The following ERICH1 variants were observed in gnomAD, a reference collection of about 807,000 sequenced individuals.
The protein encoded by ERICH1 is glutamate-rich protein 1.
Under a neutral mutation model 39.6 loss-of-function variants are expected in ERICH1, and 56 were observed. The ratio of observed to expected loss-of-function variants is 1.41; its 90% CI spans 1.14 to 1.77. The LOEUF (loss-of-function observed/expected upper bound fraction) is 1.77. Ranked by LOEUF, ERICH1 falls within the 40% of genes most tolerant of loss-of-function variation. The probability of loss-of-function intolerance (pLI) is 0.00; values close to 1 mark genes in which losing one functional copy is unlikely to be tolerated. For missense variants in ERICH1, 826 were observed against 575.4 expected, an observed-to-expected ratio of 1.44 and a Z score of -4.45; for synonymous variants, 313 against 223.6, an observed-to-expected ratio of 1.40 and a Z score of -3.57.
chr8:626,824 G>C, intron 3 of ERICH1: 1 of 257,360 alleles, frequency 3.9e-6, no homozygotes, highest in South Asian at 4.5e-5. Context: ...ATCACATCAT[G>C]GAGTTTTTGG....
chr8:664,636 G>A lies in ERICH1; in HGVS notation c.1299C>T (p.Ile433=), dbSNP rs750367517. ...RVISAFFSYW[I]THILPEKSSD ...TGCTCTTCTCAGGAAGGATATGTGT[G>A]ATCCAGTAACTAAAGAAAGCTGAGA... The change falls in exon 6 of 6, where the codon ATC becomes ATT. Residue 433 remains isoleucine, a synonymous_variant. Transcript: ENST00000262109. 1.9e-6 allele frequency: 3 copies of A among 1,613,000 alleles called. No homozygotes were observed. The highest frequency in any genetic ancestry group is 2.5e-6 in the Non-Finnish European group (3 of 1,179,696).
At position 646,227 on chromosome 8, in the gene ERICH1, G is replaced by A. The variant is rs536856592; in HGVS notation, c.976+22371C>T. Among the ~76,000 whole-genome samples the A allele has an allele frequency of 1.4e-3, 99 of 68,456 alleles. 45 individuals are homozygous for A. The highest frequency in any genetic ancestry group is 3.5e-3 in the Non-Finnish European group (76 of 21,932). 44.9% of individuals were successfully genotyped at this position (68,456 alleles called of 152,430 possible). A position where few individuals can be genotyped will look rare whatever the true frequency, so the allele number is the denominator to read the frequency against. The stretch of plus-strand genomic sequence containing the variant: ...CCAGAAGACCATGCTTACTCAAACT[G>A]GCTTCCCAATGCCACAAACTAGAGT... On this transcript the variant is annotated intron_variant, in intron 3 of 3. Coordinates refer to the ERICH1 transcript ENST00000522706.
chr8:691,140 G>C (rs2132055504), intron 3 of ERICH1: 1 of 151,180 alleles, frequency 6.6e-6, no homozygotes, highest in Middle Eastern at 3.4e-3. Context: ...ATTAGAGGGT[G>C]GGCTTTGCTG....
chr8:634,959 G>A (rs772931150), intron 3 of ERICH1, among the ~76,000 whole-genome samples: 16 of 152,218 alleles, frequency 1.1e-4, no homozygotes. Context: ...CTCTGGGGAA[G>A]GAAGGAGGGA....
intron 3 of ERICH1, among the ~76,000 whole-genome samples, chr8:629,671 A>G (rs1797843460): frequency 6.9e-5 from 10 of 144,650 alleles, no homozygotes; most frequent in African/African-American, 1.4e-4. Flanking sequence ...CCACCCACAG[A>G]GACAGAGCTG....
At chr8:722,074 G>C (rs1045422722) in intron 1 of ERICH1, among the ~76,000 whole-genome samples, 1 of 152,106 alleles carries the variant, frequency 6.6e-6, no homozygotes, top group Non-Finnish European at 1.5e-5. Context: ...GTGTCTGTCA[G>C]AAGCCTGAGG....
At chr8:699,870 CACA>C (rs1811413568) in intron 2 of ERICH1, among the ~76,000 whole-genome samples, 1 of 111,326 alleles carries the variant, frequency 9.0e-6, no homozygotes. Flanking sequence ...CACAGACCCT[CACA>C]GGCGCACAGA....
At chr8:650,944 G>A (rs905706812) in intron 3 of ERICH1, among the ~76,000 whole-genome samples, 2 of 152,194 alleles carry the variant, frequency 1.3e-5, no homozygotes, top group Non-Finnish European at 2.9e-5. Flanking sequence ...CCAAGGCGGT[G>A]TATAAACAGT....
At chr8:675,071 A>G (rs535335655) in intron 3 of ERICH1, among the ~76,000 whole-genome samples, 47 of 151,738 alleles carry the variant, frequency 3.1e-4, no homozygotes, top group Middle Eastern at 3.4e-3. Context: ...AGGAAGCACC[A>G]TGGATAAACC....
chr8:664,340 T>G lies in ERICH1; in HGVS notation c.*263A>C. Reference sequence around the variant, plus strand: ...TAACAGAATGTCCATTTTCAATTTTTACAATAAGTAGAGAAACAGAATCAA... The same window carrying G: ...TAACAGAATGTCCATTTTCAATTTTGACAATAAGTAGAGAAACAGAATCAA... On this transcript the variant is annotated 3_prime_UTR_variant, in exon 6 of 6. Coordinates refer to ENST00000262109, the MANE Select transcript of ERICH1 (RefSeq NM_207332.3). 16 of 1,109,644 alleles carry G rather than the reference T, an allele frequency of 1.4e-5. No homozygotes were observed. Among genetic ancestry groups the G allele is most frequent in the Non-Finnish European group, 1.8e-5 (16 of 910,524 alleles). The allele number at this position is 1,109,644 out of a possible 1,614,324, so 68.7% of individuals were successfully genotyped here. A position where few individuals can be genotyped will look rare whatever the true frequency, so the allele number is the denominator to read the frequency against.
intron 3 of ERICH1, among the ~76,000 whole-genome samples, chr8:617,204 G>A (rs939756401): frequency 6.6e-6 from 1 of 152,126 alleles, no homozygotes; most frequent in African/African-American, 2.4e-5. Context: ...AAGAGGCACT[G>A]ACGCCTTCAT....
intron 3 of ERICH1, chr8:615,503 C>T (rs1796858527): frequency 9.1e-6 from 4 of 440,386 alleles, no homozygotes; most frequent in African/African-American, 6.1e-5. Flanking sequence ...GCACTGACAC[C>T]ATTCCTGCAA....
chr8:628,478 C>G (rs1797727016), intron 3 of ERICH1, among the ~76,000 whole-genome samples: 2 of 152,354 alleles, frequency 1.3e-5, no homozygotes, highest in South Asian at 2.1e-4. Flanking sequence ...GGGCATGTGG[C>G]TGCTCCCCAG....
At chr8:726,703 CAT>C (rs1563376314) in intron 1 of ERICH1, among the ~76,000 whole-genome samples, 5 of 151,940 alleles carry the variant, frequency 3.3e-5, no homozygotes, top group Non-Finnish European at 5.9e-5. Context: ...CAGGCACACA[CAT>C]GTACACACAC....
chr8:683,747 G>T (rs1157599102), intron 3 of ERICH1, among the ~76,000 whole-genome samples: 1 of 152,228 alleles, frequency 6.6e-6, no homozygotes, highest in African/African-American at 2.4e-5. Context: ...TTTGAATTTG[G>T]ATGCCGGGCG....
intron 2 of ERICH1, among the ~76,000 whole-genome samples, chr8:710,474 C>G (rs777836134): frequency 6.7e-6 from 1 of 150,140 alleles, no homozygotes; most frequent in East Asian, 2.0e-4. Context: ...GCTCCACCTG[C>G]TCCTTCCAGT....
At chr8:685,952 C>T (rs938658607) in intron 3 of ERICH1, among the ~76,000 whole-genome samples, 1 of 150,380 alleles carries the variant, frequency 6.6e-6, no homozygotes, top group Non-Finnish European at 1.5e-5. Context: ...CGAGACCAGC[C>T]TGGCCAACAT....
chr8:636,708 T>G (rs879782020), intron 3 of ERICH1, among the ~76,000 whole-genome samples: 2 of 152,262 alleles, frequency 1.3e-5, no homozygotes, highest in Non-Finnish European at 2.9e-5. Flanking sequence ...CCTCCGACAC[T>G]GTGACCTCTG....
intron 2 of ERICH1, among the ~76,000 whole-genome samples, chr8:708,027 C>T (rs544181559): frequency 2.0e-4 from 30 of 152,052 alleles, no homozygotes; most frequent in African/African-American, 6.0e-4. Context: ...ATGGACAACA[C>T]GCAGGGAAAG....
Sources: gnomAD v4.1 joint callset for allele counts (sites outside exome capture counted in the v4.1 genomes callset) on GRCh38, gnomAD v4.1.1 for gene constraint, MANE v1.5 for transcripts, NCBI Gene and HGNC (gene_info 2026-07-23, HGNC 2026-07-21) for gene names.